PKN2: variants seen among roughly 807,000 people sequenced by gnomAD.
The protein encoded by PKN2 is protein kinase N2, also known as serine/threonine-protein kinase N2.
A neutral mutation model predicts 119.1 loss-of-function variants in PKN2; 38 were observed. The observed-to-expected ratio is 0.32, with a 90% confidence interval of 0.25 to 0.42. PKN2 has a LOEUF of 0.42. Ranked by LOEUF, PKN2 falls within the 10% of genes least tolerant of loss-of-function variation. The pLI, the probability that PKN2 is intolerant of heterozygous loss-of-function variation, is 1.00. For missense variants in PKN2, 850 were observed against 1,165.1 expected, an observed-to-expected ratio of 0.73 and a Z score of 3.94; for synonymous variants, 390 against 384.9, an observed-to-expected ratio of 1.01 and a Z score of -0.15.
chr1:88,685,796 AAG>A (rs1171327237), intron 1 of PKN2, among the ~76,000 whole-genome samples: 33 of 152,196 alleles, frequency 2.2e-4, no homozygotes, highest in Admixed American at 1.4e-3. Flanking sequence ...AGAAATTCTG[AAG>A]AGTTGATGTC....
At chr1:88,687,248 A>G (rs1349331227) in intron 1 of PKN2, among the ~76,000 whole-genome samples, 1 of 152,160 alleles carries the variant, frequency 6.6e-6, no homozygotes, top group South Asian at 2.1e-4. Flanking sequence ...TTAGTAATTC[A>G]GGAGGCTTAT....
At chr1:88,794,733 A>G (rs1290978656) in intron 8 of PKN2, among the ~76,000 whole-genome samples, 1 of 152,052 alleles carries the variant, frequency 6.6e-6, no homozygotes, top group East Asian at 1.9e-4. Flanking sequence ...TTGATCAAAT[A>G]TTTCCATTTC....
chr1:88,783,219 G>C (rs1670426351), intron 6 of PKN2, among the ~76,000 whole-genome samples: 1 of 152,112 alleles, frequency 6.6e-6, no homozygotes, highest in Non-Finnish European at 1.5e-5. Flanking sequence ...ATGAATACTT[G>C]AAAACCCTCT....
intron 1 of PKN2, among the ~76,000 whole-genome samples, chr1:88,713,807 C>T (rs1431110448): frequency 1.3e-5 from 2 of 152,142 alleles, no homozygotes; most frequent in Non-Finnish European, 2.9e-5. Flanking sequence ...TCTATTTTGG[C>T]TTTTGTTGCC....
At chr1:88,762,097 T>C (rs1211135603) in intron 3 of PKN2, among the ~76,000 whole-genome samples, 1 of 152,162 alleles carries the variant, frequency 6.6e-6, no homozygotes, top group Admixed American at 6.5e-5. Flanking sequence ...CAAGTGTGTA[T>C]GTTGATAGTT....
chr1:88,698,540 A>G (rs892504166), intron 1 of PKN2, among the ~76,000 whole-genome samples: 3 of 152,254 alleles, frequency 2.0e-5, no homozygotes, highest in African/African-American at 4.8e-5. Flanking sequence ...TAGAGGCATC[A>G]AAGACAGTAT....
chr1:88,694,945 G>A (rs1666476856), intron 1 of PKN2, among the ~76,000 whole-genome samples: 1 of 152,292 alleles, frequency 6.6e-6, no homozygotes, highest in East Asian at 1.9e-4. Flanking sequence ...AGAGATCACA[G>A]TGAAACCCCG....
intron 6 of PKN2, among the ~76,000 whole-genome samples, chr1:88,779,236 C>T (rs951904382): frequency 6.6e-6 from 1 of 152,198 alleles, no homozygotes; most frequent in East Asian, 1.9e-4. Context: ...CCACAGAGCT[C>T]TCCGGAGTGT....
chr1:88,749,093 A>G (rs377148092), intron 2 of PKN2, among the ~76,000 whole-genome samples: 1 of 152,190 alleles, frequency 6.6e-6, no homozygotes, highest in Non-Finnish European at 1.5e-5. Context: ...GTTAATATAC[A>G]TTATTGTCAT....
intron 16 of PKN2, among the ~76,000 whole-genome samples, chr1:88,820,182 ATATATATATATATATATATATATATATAT>A (rs1557634787): frequency 0.082 from 665 of 8,146 alleles, 39 homozygotes; most frequent in African/African-American, 0.093. Flanking sequence ...TCAGAAACCT[ATATATATATATATATATATATATATATAT>A]ATATATATAT....
chr1:88,806,762 C>T (rs1249595395), intron 12 of PKN2, among the ~76,000 whole-genome samples: 1 of 152,050 alleles, frequency 6.6e-6, no homozygotes, highest in East Asian at 1.9e-4. Flanking sequence ...TCTTGTTGCC[C>T]AGGCTGGAGT....
At chr1:88,817,577 G>A (rs1362114251) in intron 16 of PKN2, among the ~76,000 whole-genome samples, 1 of 151,682 alleles carries the variant, frequency 6.6e-6, no homozygotes, top group Non-Finnish European at 1.5e-5. Context: ...GTGTGGCGGT[G>A]TAGGCCTGTA....
chr1:88,784,039 T>A (rs66910138), intron 6 of PKN2, among the ~76,000 whole-genome samples: 10,126 of 152,160 alleles, frequency 0.067, 684 homozygotes, highest in African/African-American at 0.18. Context: ...TATTTAGCTT[T>A]ATGTTTCTCC....
At chr1:88,717,851 C>T (rs565260286) in intron 1 of PKN2, among the ~76,000 whole-genome samples, 2 of 152,196 alleles carry the variant, frequency 1.3e-5, no homozygotes, top group African/African-American at 2.4e-5. Flanking sequence ...CAAGGAGCTG[C>T]GATCCTTTAG....
intron 2 of PKN2, among the ~76,000 whole-genome samples, chr1:88,749,041 T>C (rs1235097266): frequency 6.6e-6 from 1 of 152,202 alleles, no homozygotes; most frequent in African/African-American, 2.4e-5. Flanking sequence ...GCACTTGGTA[T>C]TGTTAATATA....
At position 88,727,238 on chromosome 1, in the gene PKN2, T is replaced by A. The variant is rs202127338; in HGVS notation, c.49-13750T>A. Among the ~76,000 whole-genome samples the A allele has an allele frequency of 3.8e-3, 576 of 152,240 alleles. 12 individuals are homozygous for A. Among genetic ancestry groups the A allele is most frequent in the East Asian group, 0.031 (162 of 5,180 alleles). On this transcript the variant is annotated intron_variant, in intron 1 of 21. Transcript: ENST00000370521. The stretch of plus-strand genomic sequence containing the variant: ...TTTCCTGGTATTAATATGGTTACTT[T>A]TTTTATTAATGTTTATATGGTATAT...
chr1:88,797,485 T>C (rs1052110451), intron 8 of PKN2, among the ~76,000 whole-genome samples: 4 of 150,794 alleles, frequency 2.7e-5, no homozygotes, highest in Non-Finnish European at 5.9e-5. Context: ...CTACTAAATA[T>C]ACAAAAATTA....
At chr1:88,726,748 G>C (rs956886521) in intron 1 of PKN2, among the ~76,000 whole-genome samples, 10 of 128,532 alleles carry the variant, frequency 7.8e-5, no homozygotes, top group African/African-American at 2.9e-4. Context: ...ATTTCATATT[G>C]GGTGAGTTTT....
At position 88,784,750 on chromosome 1, in the gene PKN2, C is replaced by T. The variant is rs760928465; in HGVS notation, c.1097C>T (p.Ser366Leu). 30 of 1,612,676 alleles carry T rather than the reference C, an allele frequency of 1.9e-5. No homozygotes were observed. Among genetic ancestry groups the T allele is most frequent in the Non-Finnish European group, 2.4e-5 (28 of 1,179,188 alleles). ...LPGWSPSETR[S>L]SFMSRTSKSK... Reference sequence around the variant, plus strand: ...GGTTGGAGTCCAAGTGAAACCAGATCATCTTTCATGAGCAGAACGAGTAAA... The same window carrying T: ...GGTTGGAGTCCAAGTGAAACCAGATTATCTTTCATGAGCAGAACGAGTAAA... Residue 366 changes from serine to leucine, a missense_variant, in exon 7 of 22, where the codon TCA becomes TTA. Coordinates refer to ENST00000370521, the MANE Select transcript of PKN2 (RefSeq NM_006256.4).
Sources: allele counts gnomAD v4.1 joint callset (sites outside exome capture counted in the v4.1 genomes callset), GRCh38; gene constraint gnomAD v4.1.1; transcripts MANE v1.5; gene names NCBI Gene and HGNC (gene_info 2026-07-23, HGNC 2026-07-21).